Variants in FXR1 observed in about 807,000 individuals in gnomAD.
FXR1 encodes RNA-binding protein FXR1.
Under a neutral mutation model 84.0 loss-of-function variants are expected in FXR1, and 15 were observed. The observed-to-expected ratio is 0.18, with a 90% CI of 0.12 to 0.27. FXR1 has a LOEUF of 0.27. Ranked by LOEUF, FXR1 falls within the 10% of genes least tolerant of loss-of-function variation. The probability of loss-of-function intolerance (pLI) is 1.00; values close to 1 mark genes in which losing one functional copy is unlikely to be tolerated. For synonymous variants in FXR1, 245 were observed against 250.7 expected (o/e 0.98, Z 0.21); for missense variants, 480 against 774.4 (o/e 0.62, Z 4.51).
rs1714507066 is a variant in FXR1 at position 180,979,559 on chromosome 3, TTTTAA to T, written c.*3271_*3275del. 6.6e-6 allele frequency: 1 copy of T among 152,108 alleles called. No homozygotes were observed. Among genetic ancestry groups the T allele is most frequent in the African/African-American group, 2.4e-5 (1 of 41,436 alleles). The allele number at this position is 152,108 out of a possible 1,614,324, so 9.4% of individuals were successfully genotyped here. A position where few individuals can be genotyped will look rare whatever the true frequency, so the allele number is the denominator to read the frequency against. The stretch of plus-strand genomic sequence containing the variant: ...GAATTTGCTAGCCCCTTATTTTTTT[TTTTAA>T]TTTTAGTTCTTTATTAGAACGTGTA... On this transcript the variant is annotated 3_prime_UTR_variant, in exon 17 of 17. Coordinates refer to ENST00000357559, the MANE Select transcript of FXR1 (RefSeq NM_005087.4).
chr3:180,954,213 A>C (rs1722514367), intron 9 of FXR1: 1 of 166,084 alleles, frequency 6.0e-6, no homozygotes, highest in Non-Finnish European at 1.3e-5. Context: ...ACTTTTTGAG[A>C]AGGTATTGGT....
rs141000239 is a variant in FXR1, at chr3:180,923,176, T to G, written c.52-10158T>G. Among the ~76,000 whole-genome samples the G allele has an allele frequency of 2.7e-3, 409 of 152,318 alleles. 4 individuals are homozygous for G. Among genetic ancestry groups the G allele is most frequent in the Admixed American group, 4.1e-3 (63 of 15,294 alleles). ...TTAATCATCTCTGTTTGAAAGTTGTTTTTCTTGCATGTGTGTCTCTCCTTA... is the reference window on the plus strand; with the variant it reads ...TTAATCATCTCTGTTTGAAAGTTGTGTTTCTTGCATGTGTGTCTCTCCTTA... On this transcript the variant is annotated intron_variant, in intron 1 of 16. Transcript: ENST00000357559.
At chr3:180,914,111 A>G (rs1266883503) in intron 1 of FXR1, among the ~76,000 whole-genome samples, 1 of 152,226 alleles carries the variant, frequency 6.6e-6, no homozygotes, top group Non-Finnish European at 1.5e-5. Context: ...AAGTAGGAAC[A>G]GTGCCTGTTG....
intron 1 of FXR1, among the ~76,000 whole-genome samples, chr3:180,923,681 ATCTTTGAGTG>A (rs1718837748): frequency 6.6e-6 from 1 of 152,166 alleles, no homozygotes. Flanking sequence ...CTCCTAGCAC[ATCTTTGAGTG>A]TCAGGGAGTA....
At position 180,951,462 on chromosome 3, in the gene FXR1, C is replaced by T. The variant is rs771379697; in HGVS notation, c.795C>T (p.Tyr265=). 1.8e-5 allele frequency: 29 copies of T among 1,607,926 alleles called. No individual in the cohort carries two copies. Among genetic ancestry groups the T allele is most frequent in the African/African-American group, 8.0e-5 (6 of 74,708 alleles). Residue 265 remains tyrosine, a synonymous_variant, in exon 8 of 17, where the codon TAC becomes TAT. Transcript: ENST00000357559. ...LDEDTGTFRI[Y]GESADAVKKA... ...AAGATACTGGAACATTCAGAATCTA[C>T]GGAGAGGTAAGTTCTCTTTCTCCTG...
At chr3:180,956,936 CTTAAA>C (rs1415190284) in intron 9 of FXR1, among the ~76,000 whole-genome samples, 2 of 152,138 alleles carry the variant, frequency 1.3e-5, no homozygotes, top group African/African-American at 2.4e-5. Flanking sequence ...AAGTGATATA[CTTAAA>C]TTAACTGAGG....
Position 180,912,698 on chromosome 3 carries a change from A to T in FXR1, c.13A>T (p.Thr5Ser), listed in dbSNP as rs750332989. The T allele has an allele frequency of 6.2e-7, 1 of 1,613,176 alleles. No individual in the cohort carries two copies. MAEL[T>S]VEVRGSNGAF... ...TTGCGGTTCCAACATGGCGGAGCTG[A>T]CGGTGGAGGTTCGCGGCTCTAACGG... is the stretch of plus-strand genomic sequence containing the variant. The change falls in exon 1 of 17, where the codon ACG (threonine) becomes TCG (serine). Residue 5 changes from threonine to serine, a missense_variant. By Grantham distance (58) the Thr-to-Ser change is moderately conservative. This residue lies in a region of FXR1 where 54 missense variants were observed against 74.2 expected (regional missense o/e 0.73). Transcript: ENST00000357559.
intron 3 of FXR1, 113 bp downstream of exon 3, chr3:180,935,344 C>T (rs1720401321): frequency 1.6e-6 from 1 of 612,766 alleles, no homozygotes; most frequent in African/African-American, 1.9e-5. Flanking sequence ...TTTCTCTATT[C>T]TTTCTATTGG....
chr3:180,951,518 G>A (rs376533605), intron 8 of FXR1, 50 bp downstream of exon 8: 135 of 1,265,120 alleles, frequency 1.1e-4, no homozygotes, highest in Non-Finnish European at 2.6e-5. Context: ...ACCATCTATT[G>A]TTTGATTATA....
At chr3:180,957,041 T>C (rs1481650363) in intron 9 of FXR1, among the ~76,000 whole-genome samples, 1 of 152,196 alleles carries the variant, frequency 6.6e-6, no homozygotes. Context: ...ATAGTACTTG[T>C]TAATAGGTAC....
chr3:180,920,508 A>G lies in FXR1; in HGVS notation c.51+7772A>G, dbSNP rs550655279. 1.1e-3 allele frequency among the ~76,000 whole-genome samples: 160 copies of G among 149,754 alleles called. 1 individual carries two copies. In the South Asian group the frequency reaches 0.015, roughly 14 times the overall value. On this transcript the variant is annotated intron_variant, in intron 1 of 16. Transcript: ENST00000357559. ...AACTCTGCAACGAGAAAGTCAGAAT[A>G]GTTTTGTTCTTTTTTTTTTTTTTTT... is the stretch of plus-strand genomic sequence containing the variant.
chr3:180,974,643 G>A (rs151073519), intron 15 of FXR1, among the ~76,000 whole-genome samples: 2 of 152,210 alleles, frequency 1.3e-5, no homozygotes, highest in Non-Finnish European at 2.9e-5. Context: ...GGCAAAGGGG[G>A]TGTGGGAGGG....
At chr3:180,960,692 T>G (rs913266771) in intron 10 of FXR1, among the ~76,000 whole-genome samples, 4 of 152,090 alleles carry the variant, frequency 2.6e-5, no homozygotes, top group East Asian at 1.9e-4. Flanking sequence ...CTCGAACTCA[T>G]GAACTCAAGT....
intron 1 of FXR1, chr3:180,927,847 CT>C: frequency 7.4e-6 from 3 of 404,768 alleles, no homozygotes; most frequent in Non-Finnish European, 8.7e-6. Flanking sequence ...CCATCGATAC[CT>C]TTTCCATCAG....
At position 180,976,876 on chromosome 3, in the gene FXR1, G is replaced by C. The variant is rs928160158; in HGVS notation, c.*584G>C. 6.6e-6 allele frequency: 1 copy of C among 152,548 alleles called. No homozygotes were observed. The highest frequency in any genetic ancestry group is 1.5e-5 in the Non-Finnish European group (1 of 67,984). 9.4% of individuals were successfully genotyped at this position (152,548 alleles called of 1,614,324 possible). Reference sequence around the variant, plus strand: ...CACTGGGCGATACTTGGCAGTGACTGTTCTACCTTGAGGCTTTGTTTGGTT... The same window carrying C: ...CACTGGGCGATACTTGGCAGTGACTCTTCTACCTTGAGGCTTTGTTTGGTT... On this transcript the variant is annotated 3_prime_UTR_variant, in exon 17 of 17. Coordinates refer to ENST00000357559, the MANE Select transcript of FXR1 (RefSeq NM_005087.4).
intron 3 of FXR1, among the ~76,000 whole-genome samples, chr3:180,946,030 G>T (rs1312950279): frequency 6.6e-6 from 1 of 152,136 alleles, no homozygotes; most frequent in Non-Finnish European, 1.5e-5. Flanking sequence ...TGCATCTGTT[G>T]TCTGATATCT....
intron 14 of FXR1, 61 bp downstream of exon 14, chr3:180,968,315 T>A (rs1207052168): frequency 8.6e-7 from 1 of 1,156,808 alleles, no homozygotes; most frequent in African/African-American, 1.5e-5. Context: ...TTTACAAAAG[T>A]TAATTCATCT....
chr3:180,953,727 C>A, intron 8 of FXR1, 35 bp from the exon 9 acceptor site: 2 of 1,030,900 alleles, frequency 1.9e-6, no homozygotes, highest in Admixed American at 2.2e-5. Context: ...GAGATTGAAA[C>A]AGGATTTCAT....
At position 180,982,566 on chromosome 3, in the gene FXR1, G is replaced by T. The variant is rs1714663058; in HGVS notation, c.*6274G>T. 1 of 152,148 alleles carries T rather than the reference G, an allele frequency of 6.6e-6. No homozygotes were observed. Among genetic ancestry groups the T allele is most frequent in the Non-Finnish European group, 1.5e-5 (1 of 67,996 alleles). The allele number at this position is 152,148 out of a possible 1,614,324, so 9.4% of individuals were successfully genotyped here. A position where few individuals can be genotyped will look rare whatever the true frequency, so the allele number is the denominator to read the frequency against. On this transcript the variant is annotated 3_prime_UTR_variant, in exon 17 of 17. Transcript: ENST00000357559. The stretch of plus-strand genomic sequence containing the variant: ...TGTTGTTTGCACTGAACCCTCAAAA[G>T]TATTTATACCTATTAAGTTAAATTT...
Sources: gnomAD v4.1 joint callset for allele counts (sites outside exome capture counted in the v4.1 genomes callset) on GRCh38, gnomAD v4.1.1 for gene constraint, gnomAD v4.1.1 regional missense constraint, MANE v1.5 for transcripts, NCBI Gene and HGNC (gene_info 2026-07-23, HGNC 2026-07-21) for gene names.